The following QPRT variants were observed in gnomAD, a reference collection of about 807,000 sequenced individuals.
QPRT encodes the protein nicotinate-nucleotide pyrophosphorylase [carboxylating].
A neutral mutation model predicts 19.8 loss-of-function variants in QPRT; 17 were observed. That is an observed-to-expected ratio of 0.86 (90% CI 0.59 to 1.29). The LOEUF is 1.29. Among genes scored for constraint, QPRT ranks in the 50% most tolerant of loss-of-function variants. The pLI, the probability that QPRT is intolerant of heterozygous loss-of-function variation, is 0.00. For synonymous variants in QPRT, 178 were observed against 191.0 expected (o/e 0.93, Z 0.56); for missense variants, 336 against 405.1 (o/e 0.83, Z 1.46).
chr16:29,682,232 C>G lies in QPRT; in HGVS notation c.13+3022C>G, dbSNP rs1290754241. 4.7e-5 allele frequency among the ~76,000 whole-genome samples: 7 copies of G among 149,174 alleles called. 1 individual carries two copies. The highest frequency in any genetic ancestry group is 3.0e-5 in the Non-Finnish European group (2 of 67,606). On this transcript the variant is annotated intron_variant, in intron 1 of 3. Coordinates refer to ENST00000395384, the MANE Select transcript of QPRT (RefSeq NM_014298.6). The stretch of plus-strand genomic sequence containing the variant: ...TTTTTTTTTTTTTTAGAGATGGGTT[C>G]TTGCTGTGTTGCCCAGGCTGGTCTC...
chr16:29,679,101 GCCCT>G (rs776697190), upstream of QPRT: 2 of 1,609,260 alleles, frequency 1.2e-6, no homozygotes, highest in African/African-American at 1.3e-5. Context: ...AGCTTGATGG[GCCCT>G]CCCTCCCTCC....
rs761499067 is a variant in QPRT, at chr16:29,679,221, A to ACT, written c.13+18_13+19dup. ...CCATGGACGCTGAAGGTAAAGGGACACTCTCTCTGCCATGTCCCTGCACCC... is the reference window on the plus strand; with the variant it reads ...CCATGGACGCTGAAGGTAAAGGGACACTCTCTCTCTGCCATGTCCCTGCACCC... On this transcript the variant is annotated intron_variant, in intron 1 of 3. Coordinates refer to ENST00000395384, the MANE Select transcript of QPRT (RefSeq NM_014298.6). 2 of 1,601,478 alleles carry ACT rather than the reference A, an allele frequency of 1.2e-6. No homozygotes were observed. Among genetic ancestry groups the ACT allele is most frequent in the African/African-American group, 2.7e-5 (2 of 74,244 alleles).
In QPRT at chr16:29,697,234, G is replaced by A; in HGVS notation, c.717G>A (p.Gln239=). The A allele has an allele frequency of 6.2e-7, 1 of 1,613,804 alleles. No homozygotes were observed. The highest frequency in any genetic ancestry group is 8.5e-7 in the Non-Finnish European group (1 of 1,179,846). Residue 239 remains glutamine (Q), a synonymous_variant, in exon 4 of 4, where the codon CAG becomes CAA. Transcript: ENST00000395384. This position sits in a 1 kb window ranked among gnomAD's most constrained non-coding sequence, Gnocchi z 4.4. ...LHPTATVLKA[Q]FPSVAVEASG... is the part of the protein sequence containing the mutation. ...CCACGGCCACCGTGCTGAAGGCCCA[G>A]TTCCCGAGTGTGGCTGTGGAAGCCA...
At chr16:29,681,746 T>C (rs982398345) in intron 1 of QPRT, among the ~76,000 whole-genome samples, 4 of 142,928 alleles carry the variant, frequency 2.8e-5, no homozygotes, top group Admixed American at 2.1e-4. Flanking sequence ...TTTTTCGAGA[T>C]GGAGTCTGAC....
intron 2 of QPRT, 44 bp downstream of exon 2, chr16:29,695,243 A>G: frequency 6.8e-7 from 1 of 1,472,160 alleles, no homozygotes; most frequent in Middle Eastern, 2.4e-4. Flanking sequence ...CCCTCAGCAC[A>G]CCCCTCCCCT....
intron 1 of QPRT, among the ~76,000 whole-genome samples, chr16:29,685,773 G>A (rs1259378163): frequency 2.0e-5 from 3 of 152,104 alleles, no homozygotes; most frequent in Non-Finnish European, 4.4e-5. Flanking sequence ...GCCGAGGTGG[G>A]AGGACTGCTT....
chr16:29,682,337 C>G (rs922442537), intron 1 of QPRT, among the ~76,000 whole-genome samples: 1 of 151,942 alleles, frequency 6.6e-6, no homozygotes, highest in African/African-American at 2.4e-5. Flanking sequence ...CCGTGCCTGG[C>G]TCAAATCTTT....
chr16:29,681,657 C>T (rs1253305875), intron 1 of QPRT, among the ~76,000 whole-genome samples: 1 of 147,060 alleles, frequency 6.8e-6, no homozygotes, highest in East Asian at 2.0e-4. Flanking sequence ...CCACCATGCC[C>T]GGCTAATTTT....
chr16:29,697,999 GGAAAGAAA>G lies in QPRT; in HGVS notation c.*591_*598del, dbSNP rs1323030560. 2 of 140,278 alleles carry G rather than the reference GGAAAGAAA, an allele frequency of 1.4e-5. No individual in the cohort carries two copies. Among genetic ancestry groups the G allele is most frequent in the South Asian group, 2.6e-4 (1 of 3,810 alleles). 8.7% of individuals were successfully genotyped at this position (140,278 alleles called of 1,614,324 possible). A position where few individuals can be genotyped will look rare whatever the true frequency, so the allele number is the denominator to read the frequency against. The stretch of plus-strand genomic sequence containing the variant: ...ACTCTGTCTCCAAAGAAGAAACAAA[GGAAAGAAA>G]GAGAGAAAGAGAGAGGGAGGGAGGG... On this transcript the variant is annotated 3_prime_UTR_variant, in exon 4 of 4. Transcript: ENST00000395384. The surrounding 1 kb of genome is among the most constrained non-coding windows in gnomAD (Gnocchi z 4.4).
intron 1 of QPRT, among the ~76,000 whole-genome samples, chr16:29,694,346 C>T (rs185545192): frequency 6.6e-6 from 1 of 151,728 alleles, no homozygotes; most frequent in Admixed American, 6.6e-5. Context: ...GTCTCGATCT[C>T]CTGACCTCGT....
intron 1 of QPRT, among the ~76,000 whole-genome samples, chr16:29,688,792 T>C (rs992202138): frequency 6.6e-6 from 1 of 151,428 alleles, no homozygotes; most frequent in African/African-American, 2.4e-5. Flanking sequence ...CTTTTTTTTT[T>C]TTTTTGAGAC....
chr16:29,691,354 A>G lies in QPRT; in HGVS notation c.14-3310A>G, dbSNP rs1398695232. 6.4e-5 allele frequency among the ~76,000 whole-genome samples: 7 copies of G among 108,914 alleles called. No individual in the cohort carries two copies. The South Asian group carries it at 1.3e-3, about 20-fold the overall frequency. 71.5% of individuals were successfully genotyped at this position (108,914 alleles called of 152,430 possible). The stretch of plus-strand genomic sequence containing the variant: ...CACTCCAGCCTGGGCAAAAGAGTGA[A>G]GCTCTGCATCAAAAAAAAAAAAAAA... On this transcript the variant is annotated intron_variant, in intron 1 of 3. Transcript: ENST00000395384.
intron 1 of QPRT, among the ~76,000 whole-genome samples, chr16:29,691,035 T>A (rs1366201465): frequency 6.7e-6 from 1 of 149,668 alleles, no homozygotes; most frequent in African/African-American, 2.5e-5. Context: ...AGAATTCAAA[T>A]CCATTTTTTA....
intron 1 of QPRT, among the ~76,000 whole-genome samples, chr16:29,682,738 A>G (rs1487835299): frequency 6.6e-6 from 1 of 151,974 alleles, no homozygotes; most frequent in Non-Finnish European, 1.5e-5. Context: ...CCACAATACT[A>G]TTGTCAAAAC....
Position 29,694,885 on chromosome 16 carries a change from T to A in QPRT, c.235T>A (p.Ser79Thr). Residue 79 changes from serine to threonine, a missense_variant, in exon 2 of 4, where the codon TCG becomes ACG. Ser to Thr is a moderately conservative substitution (Grantham distance 58). Coordinates refer to ENST00000395384, the MANE Select transcript of QPRT (RefSeq NM_014298.6). ...AGTCTCCTGGTTCCTCCCCGAGGGATCGAAGCTGGTGCCGGTGGCCAGAGT... is the reference window on the plus strand; with the variant it reads ...AGTCTCCTGGTTCCTCCCCGAGGGAACGAAGCTGGTGCCGGTGGCCAGAGT... ...CQVSWFLPEG[S>T]KLVPVARVAE... is the part of the protein sequence containing the mutation. The A allele has an allele frequency of 6.2e-7, 1 of 1,614,068 alleles. No individual in the cohort carries two copies. The highest frequency in any genetic ancestry group is 8.5e-7 in the Non-Finnish European group (1 of 1,179,934).
rs1429101928 is a variant in QPRT, at chr16:29,695,085, G to T, written c.435G>T (p.Arg145=). The part of the protein sequence containing the change: ...AGTRKTTPGF[R]LVEKYGLLVG... ...CGAGGAAGACCACGCCAGGCTTCCG[G>T]CTGGTGGAGAAGTATGGGCTCCTGG... Residue 145 remains arginine, a synonymous_variant, in exon 2 of 4, where the codon CGG becomes CGT. Coordinates refer to ENST00000395384, the MANE Select transcript of QPRT (RefSeq NM_014298.6). The T allele has an allele frequency of 5.0e-6, 8 of 1,605,646 alleles. No individual in the cohort carries two copies. Among genetic ancestry groups the T allele is most frequent in the Non-Finnish European group, 5.9e-6 (7 of 1,178,026 alleles).
intron 2 of QPRT, among the ~76,000 whole-genome samples, chr16:29,695,594 A>G (rs1378139464): frequency 6.7e-6 from 1 of 149,208 alleles, no homozygotes; most frequent in African/African-American, 2.5e-5. Context: ...GGTTCAAGCA[A>G]TTCTCCTGCC....
At chr16:29,686,111 C>A (rs1342633900) in intron 1 of QPRT, among the ~76,000 whole-genome samples, 2 of 152,132 alleles carry the variant, frequency 1.3e-5, no homozygotes, top group Non-Finnish European at 2.9e-5. Context: ...CGGCCCACCT[C>A]GGCCTCCCAA....
intron 1 of QPRT, among the ~76,000 whole-genome samples, chr16:29,679,646 T>C (rs1966932775): frequency 6.6e-6 from 1 of 151,966 alleles, no homozygotes; most frequent in African/African-American, 2.4e-5. Flanking sequence ...ATTCCCTGCC[T>C]GGAGGGAGCT....
Sources: allele counts gnomAD v4.1 joint callset (sites outside exome capture counted in the v4.1 genomes callset), GRCh38; gene constraint gnomAD v4.1.1; non-coding constraint Gnocchi (gnomAD v3.1); transcripts MANE v1.5; gene names NCBI Gene and HGNC (gene_info 2026-07-23, HGNC 2026-07-21).